The following DAW1 variants were observed in gnomAD, a reference collection of about 807,000 sequenced individuals.
The protein encoded by DAW1 is dynein assembly factor with WD repeats 1.
DAW1 carries 47 observed loss-of-function variants against 56.5 expected under a neutral mutation model. That is an observed-to-expected ratio of 0.83 (90% CI 0.66 to 1.06). DAW1 has a LOEUF of 1.06. DAW1 is among the 50% of genes least tolerant of loss of function. The pLI is 0.00. For synonymous variants in DAW1, 190 were observed against 179.0 expected (o/e 1.06, Z -0.49); for missense variants, 505 against 499.3 (o/e 1.01, Z -0.11).
intron 5 of DAW1, among the ~76,000 whole-genome samples, chr2:227,896,539 G>A (rs1293460355): frequency 6.6e-6 from 1 of 151,802 alleles, no homozygotes; most frequent in Non-Finnish European, 1.5e-5. Flanking sequence ...GCACTTTGGG[G>A]TCATTGGGGT....
chr2:227,898,078 G>A, intron 5 of DAW1, 104 bp from the exon 6 acceptor site: 1 of 571,158 alleles, frequency 1.8e-6, no homozygotes, highest in Non-Finnish European at 2.6e-6. Context: ...TATAGCTTTA[G>A]AAGTGAAGTA....
In DAW1 at chr2:227,875,762, A is replaced by G. The variant is rs182883207; in HGVS notation, c.40+4033A>G. 5.9e-4 allele frequency among the ~76,000 whole-genome samples: 89 copies of G among 151,802 alleles called. No homozygotes were observed. The East Asian group carries it at 0.016, about 27-fold the overall frequency. ...TCTTAATCCAACTCATCATTGTTTC[A>G]CTCATTTATTTTGCTTATTCTTTCC... On this transcript the variant is annotated intron_variant, in intron 1 of 12. Coordinates refer to ENST00000309931, the MANE Select transcript of DAW1 (RefSeq NM_178821.3).
At chr2:227,914,719 T>A (rs1393435169) in intron 10 of DAW1, among the ~76,000 whole-genome samples, 1 of 152,130 alleles carries the variant, frequency 6.6e-6, no homozygotes. Context: ...TTGTGCTACA[T>A]CTTATCAGGG....
At chr2:227,902,432 G>C (rs1272384164) in intron 6 of DAW1, among the ~76,000 whole-genome samples, 1 of 152,090 alleles carries the variant, frequency 6.6e-6, no homozygotes, top group Non-Finnish European at 1.5e-5. Context: ...TTCTGGGGGA[G>C]GGGAGTGGGA....
At chr2:227,905,629 C>T (rs926071618) in intron 8 of DAW1, among the ~76,000 whole-genome samples, 6 of 152,156 alleles carry the variant, frequency 3.9e-5, no homozygotes, top group Non-Finnish European at 5.9e-5. Context: ...TGCACTCACC[C>T]GGTGTAAGAC....
intron 9 of DAW1, 130 bp downstream of exon 9, chr2:227,906,468 T>C: frequency 2.8e-6 from 2 of 707,062 alleles, no homozygotes; most frequent in East Asian, 3.3e-5. Context: ...AAAAAATAGT[T>C]GGTAATTTTT....
At chr2:227,923,353 C>A (rs1692152612) in intron 12 of DAW1, among the ~76,000 whole-genome samples, 1 of 152,174 alleles carries the variant, frequency 6.6e-6, no homozygotes, top group Non-Finnish European at 1.5e-5. Context: ...ATGACCGTTA[C>A]ATTTGTTAAA....
intron 6 of DAW1, 43 bp downstream of exon 6, chr2:227,898,324 T>C (rs1308364462): frequency 2.0e-6 from 2 of 1,016,638 alleles, no homozygotes; most frequent in Non-Finnish European, 2.5e-6. Flanking sequence ...TGTATATATA[T>C]ATATTATTTT....
At chr2:227,905,847 T>C (rs1969423) in intron 8 of DAW1, among the ~76,000 whole-genome samples, 129,233 of 151,776 alleles carry the variant, frequency 0.85, 55,190 homozygotes, top group Middle Eastern at 0.96. Flanking sequence ...CTCCGCTTCC[T>C]GGGTTCACGC....
Position 227,921,575 on chromosome 2 carries a change from C to G in DAW1, c.1213+14C>G, listed in dbSNP as rs772763730. 1.9e-6 allele frequency: 3 copies of G among 1,608,496 alleles called. No homozygotes were observed. In the Admixed American group the frequency reaches 5.0e-5, roughly 27 times the overall value. On this transcript the variant is annotated intron_variant, in intron 12 of 12. Transcript: ENST00000309931. ...TAGTCATTACAGGTATGGAAGACAT[C>G]AACACCATAGACTCATTTTTTCTTG...
intron 6 of DAW1, among the ~76,000 whole-genome samples, chr2:227,902,688 G>C (rs1691574386): frequency 6.6e-6 from 1 of 152,076 alleles, no homozygotes; most frequent in South Asian, 2.1e-4. Context: ...CAAGGAGAAG[G>C]AGAGCCATAT....
At chr2:227,923,289 C>G (rs1721346) in intron 12 of DAW1, among the ~76,000 whole-genome samples, 73,374 of 151,964 alleles carry the variant, frequency 0.48, 18,217 homozygotes, top group Middle Eastern at 0.63. Flanking sequence ...TTTGTAGTGG[C>G]CTACCTGAGG....
intron 4 of DAW1, among the ~76,000 whole-genome samples, chr2:227,892,753 C>T (rs1691295735): frequency 6.6e-6 from 1 of 152,158 alleles, no homozygotes; most frequent in Non-Finnish European, 1.5e-5. Context: ...ACTTGACATT[C>T]AGACTGGCTT....
chr2:227,903,671 C>T (rs1691606766), intron 7 of DAW1, among the ~76,000 whole-genome samples: 1 of 143,800 alleles, frequency 7.0e-6, no homozygotes, highest in South Asian at 2.3e-4. Context: ...CTTCCTCCCA[C>T]CCTCCCCTTC....
At chr2:227,893,373 A>G (rs1287413011) in intron 4 of DAW1, among the ~76,000 whole-genome samples, 1 of 151,834 alleles carries the variant, frequency 6.6e-6, no homozygotes, top group South Asian at 2.1e-4. Flanking sequence ...TCCATTGTAA[A>G]AAGCATAATA....
chr2:227,908,609 C>T (rs1691740683), intron 10 of DAW1, among the ~76,000 whole-genome samples: 2 of 152,194 alleles, frequency 1.3e-5, no homozygotes, highest in African/African-American at 2.4e-5. Flanking sequence ...ATTTATGATG[C>T]TACTCTATGT....
intron 2 of DAW1, among the ~76,000 whole-genome samples, chr2:227,888,550 C>T (rs1019303451): frequency 6.6e-6 from 1 of 152,236 alleles, no homozygotes; most frequent in Non-Finnish European, 1.5e-5. Flanking sequence ...CCCTGCTCAG[C>T]TGTGGACGGA....
intron 10 of DAW1, among the ~76,000 whole-genome samples, chr2:227,913,231 G>A (rs1228116587): frequency 6.6e-6 from 1 of 152,128 alleles, no homozygotes. Flanking sequence ...ACCACATATT[G>A]TGTTAAAACA....
At chr2:227,911,472 G>A (rs1260678096) in intron 10 of DAW1, among the ~76,000 whole-genome samples, 1 of 150,926 alleles carries the variant, frequency 6.6e-6, no homozygotes, top group Non-Finnish European at 1.5e-5. Context: ...TAGCACATAT[G>A]ACATACTGTG....
Sources: allele counts gnomAD v4.1 joint callset (sites outside exome capture counted in the v4.1 genomes callset), GRCh38; gene constraint gnomAD v4.1.1; transcripts MANE v1.5; gene names NCBI Gene and HGNC (gene_info 2026-07-23, HGNC 2026-07-21).